The following WWOX variants were observed in gnomAD, a reference collection of about 807,000 sequenced individuals.
The protein encoded by WWOX is WW domain containing oxidoreductase.
Under a neutral mutation model 46.2 loss-of-function variants are expected in WWOX, and 69 were observed. That is an observed-to-expected ratio of 1.49 (90% CI 1.23 to 1.82). WWOX has a LOEUF of 1.82. Among genes scored for constraint, WWOX ranks in the 40% most tolerant of loss-of-function variants. The pLI is 0.00. For synonymous variants in WWOX, 359 were observed against 202.6 expected (o/e 1.77, Z -6.56); for missense variants, 919 against 542.6 (o/e 1.69, Z -6.89).
In WWOX at chr16:78,984,649, G is replaced by A. The variant is rs146340526; in HGVS notation, c.1057-226959G>A. Among the ~76,000 whole-genome samples the A allele has an allele frequency of 1.1e-3, 175 of 152,312 alleles. 4 individuals are homozygous for A. In the East Asian group the frequency reaches 0.029, roughly 26 times the overall value. On this transcript the variant is annotated intron_variant, in intron 8 of 8. Transcript: ENST00000566780. ...ATGTTTCTGTCTCAACTGGTTGATT[G>A]GAACAACATACAAACTGACCCTTAG...
chr16:78,319,584 G>C (rs551148323), intron 5 of WWOX, among the ~76,000 whole-genome samples: 3 of 152,182 alleles, frequency 2.0e-5, no homozygotes, highest in Admixed American at 2.0e-4. Flanking sequence ...ATCCCAGTTG[G>C]TCTTCTGACT....
At chr16:78,689,884 A>G (rs2047946319) in intron 8 of WWOX, among the ~76,000 whole-genome samples, 1 of 152,040 alleles carries the variant, frequency 6.6e-6, no homozygotes, top group South Asian at 2.1e-4. Context: ...TTTTGGAGAC[A>G]GGGTCTCACT....
intron 8 of WWOX, among the ~76,000 whole-genome samples, chr16:78,658,144 A>G (rs1174755903): frequency 6.6e-6 from 1 of 152,128 alleles, no homozygotes; most frequent in Non-Finnish European, 1.5e-5. Flanking sequence ...CTCAAGTCTC[A>G]AAATACCAAA....
intron 5 of WWOX, among the ~76,000 whole-genome samples, chr16:78,281,423 GT>G (rs1054838124): frequency 2.0e-5 from 3 of 152,214 alleles, no homozygotes; most frequent in African/African-American, 7.2e-5. Flanking sequence ...TAGATCAGGA[GT>G]TTCCTCTTAC....
At chr16:78,699,452 T>C (rs1375165693) in intron 8 of WWOX, among the ~76,000 whole-genome samples, 1 of 151,880 alleles carries the variant, frequency 6.6e-6, no homozygotes, top group African/African-American at 2.4e-5. Context: ...AGTGGGAAGA[T>C]ATCCTGAGCC....
intron 8 of WWOX, among the ~76,000 whole-genome samples, chr16:78,473,371 A>G (rs562494514): frequency 6.6e-6 from 1 of 152,212 alleles, no homozygotes; most frequent in African/African-American, 2.4e-5. Context: ...CTCAACTGAT[A>G]GACCCACCTC....
At chr16:78,391,107 A>G (rs1394685200) in intron 6 of WWOX, among the ~76,000 whole-genome samples, 1 of 152,178 alleles carries the variant, frequency 6.6e-6, no homozygotes. Context: ...AGCATATTGT[A>G]CTGTGGAACC....
At chr16:78,494,537 C>G (rs949233957) in intron 8 of WWOX, among the ~76,000 whole-genome samples, 1 of 152,120 alleles carries the variant, frequency 6.6e-6, no homozygotes, top group Non-Finnish European at 1.5e-5. Context: ...AACTTCTGTG[C>G]TTTTTGAAAT....
chr16:78,317,614 C>A (rs149844811), intron 5 of WWOX, among the ~76,000 whole-genome samples: 4 of 151,998 alleles, frequency 2.6e-5, no homozygotes, highest in Non-Finnish European at 5.9e-5. Flanking sequence ...CACACACTTG[C>A]GTAAAGTGAG....
intron 6 of WWOX, among the ~76,000 whole-genome samples, chr16:78,401,368 A>G (rs1021641945): frequency 2.6e-5 from 4 of 152,246 alleles, no homozygotes; most frequent in Admixed American, 2.6e-4. Context: ...GATATTGAGA[A>G]TAAATTCAAC....
At chr16:78,268,502 T>C (rs12923794) in intron 5 of WWOX, among the ~76,000 whole-genome samples, 35,194 of 152,028 alleles carry the variant, frequency 0.23, 5,117 homozygotes, top group African/African-American at 0.4. Flanking sequence ...TTATTTTATT[T>C]TTGGAAGACA....
intron 8 of WWOX, among the ~76,000 whole-genome samples, chr16:78,958,617 G>A (rs1312915766): frequency 6.6e-6 from 1 of 152,178 alleles, no homozygotes; most frequent in African/African-American, 2.4e-5. Context: ...CTAGAAATGC[G>A]AGTCCATCCT....
chr16:78,815,646 A>G (rs1035610822), intron 8 of WWOX, among the ~76,000 whole-genome samples: 3 of 152,164 alleles, frequency 2.0e-5, no homozygotes, highest in African/African-American at 4.8e-5. Flanking sequence ...CGTCTGAGCC[A>G]TGGCTCCTTT....
At chr16:78,956,095 C>G (rs992496354) in intron 8 of WWOX, among the ~76,000 whole-genome samples, 2 of 152,106 alleles carry the variant, frequency 1.3e-5, no homozygotes, top group African/African-American at 4.8e-5. Flanking sequence ...CGGCAGAGCC[C>G]TGGCTCACTA....
Position 78,524,274 on chromosome 16 carries a change from G to C in WWOX, c.1056+91522G>C, listed in dbSNP as rs111849834. ...TAATATTAGAAGCAGACACAGCCAT[G>C]ATGAGCAATACTCTTTTTTTGTTTA... is the stretch of plus-strand genomic sequence containing the variant. On this transcript the variant is annotated intron_variant, in intron 8 of 8. Coordinates refer to ENST00000566780, the MANE Select transcript of WWOX (RefSeq NM_016373.4). Among the ~76,000 whole-genome samples, 379 of 152,300 alleles carry C rather than the reference G, an allele frequency of 2.5e-3. 6 individuals are homozygous for C. Among genetic ancestry groups the C allele is most frequent in the African/African-American group, 8.1e-3 (338 of 41,574 alleles).
At chr16:78,262,827 T>C (rs965056265) in intron 5 of WWOX, among the ~76,000 whole-genome samples, 1 of 152,078 alleles carries the variant, frequency 6.6e-6, no homozygotes, top group East Asian at 1.9e-4. Context: ...TGAGAAAAAG[T>C]CATTCTTAGA....
At chr16:78,861,477 A>G (rs976633501) in intron 8 of WWOX, among the ~76,000 whole-genome samples, 1 of 152,164 alleles carries the variant, frequency 6.6e-6, no homozygotes, top group Non-Finnish European at 1.5e-5. Flanking sequence ...TTGTTGTTTT[A>G]TCTCTCTCCA....
In WWOX at chr16:78,181,265, C is replaced by T. The variant is rs8045645; in HGVS notation, c.516+16976C>T. 6.1e-3 allele frequency among the ~76,000 whole-genome samples: 928 copies of T among 152,108 alleles called. 5 individuals are homozygous for T. Among genetic ancestry groups the T allele is most frequent in the African/African-American group, 0.021 (880 of 41,480 alleles). The stretch of plus-strand genomic sequence containing the variant: ...TTTTTATGAGGTTTTTAGTGCTGGG[C>T]TTTGCATCGTGGTGACGGTGTGTGT... On this transcript the variant is annotated intron_variant, in intron 5 of 8. Transcript: ENST00000566780.
At chr16:78,939,616 A>G (rs1225483424) in intron 8 of WWOX, among the ~76,000 whole-genome samples, 2 of 152,262 alleles carry the variant, frequency 1.3e-5, no homozygotes, top group Non-Finnish European at 2.9e-5. Flanking sequence ...ATTTTATCAC[A>G]TGGTCAAATT....
Sources: allele counts gnomAD v4.1 joint callset (sites outside exome capture counted in the v4.1 genomes callset), GRCh38; gene constraint gnomAD v4.1.1; transcripts MANE v1.5; gene names NCBI Gene and HGNC (gene_info 2026-07-23, HGNC 2026-07-21).